HERC1: variants seen among roughly 807,000 people sequenced by gnomAD.
The protein encoded by HERC1 is probable E3 ubiquitin-protein ligase HERC1.
A neutral mutation model predicts 554.3 loss-of-function variants in HERC1; 160 were observed. That is an observed-to-expected ratio of 0.29 (90% CI 0.25 to 0.33). The LOEUF is 0.33. Among genes scored for constraint, HERC1 ranks in the 10% least tolerant of loss-of-function variants. HERC1 has a pLI of 1.00. For synonymous variants in HERC1, 2,175 were observed against 2,131.7 expected, an observed-to-expected ratio of 1.02 and a Z score of -0.56; for missense variants, 4,919 against 5,918.5, an observed-to-expected ratio of 0.83 and a Z score of 5.54.
At chr15:63,709,439 C>T (rs747642423) in intron 24 of HERC1, among the ~76,000 whole-genome samples, 60 of 152,080 alleles carry the variant, frequency 3.9e-4, no homozygotes, top group Admixed American at 2.2e-3. Flanking sequence ...GATCTGTTGT[C>T]CCCATTTATA....
At chr15:63,649,118 G>C (rs1393879489) in intron 54 of HERC1, among the ~76,000 whole-genome samples, 4 of 152,182 alleles carry the variant, frequency 2.6e-5, no homozygotes, top group Non-Finnish European at 4.4e-5. Context: ...ACTTTGGGAG[G>C]CCAAGGTGGG....
At chr15:63,614,515 T>C (rs1187014463) in intron 76 of HERC1, among the ~76,000 whole-genome samples, 1 of 152,322 alleles carries the variant, frequency 6.6e-6, no homozygotes, top group African/African-American at 2.4e-5. Flanking sequence ...CCAACTTCAC[T>C]AGGCTAAAGA....
At chr15:63,759,376 C>A (rs750027406) in intron 3 of HERC1, among the ~76,000 whole-genome samples, 1 of 152,154 alleles carries the variant, frequency 6.6e-6, no homozygotes, top group Non-Finnish European at 1.5e-5. Context: ...AAGTCTGTTG[C>A]CATTCAAAAG....
At position 63,696,140 on chromosome 15, in the gene HERC1, C is replaced by T. The variant is rs757087642; in HGVS notation, c.5105G>A (p.Arg1702Gln). ...GTCACCTACCTGATAGTGATGCAATCGGCCACTCTCTCCCTTGCCTCCTGT... is the reference window on the plus strand; with the variant it reads ...GTCACCTACCTGATAGTGATGCAATTGGCCACTCTCTCCCTTGCCTCCTGT... ...GHTGGKGESG[R>Q]LHHYQDGIRA... The change falls in exon 27 of 78, where the codon CGA becomes CAA. Residue 1702 changes from arginine (R) to glutamine (Q), a missense_variant. Transcript: ENST00000443617. The T allele has an allele frequency of 3.1e-6, 5 of 1,611,860 alleles. No individual in the cohort carries two copies. Among genetic ancestry groups the T allele is most frequent in the South Asian group, 1.1e-5 (1 of 90,750 alleles).
intron 2 of HERC1, among the ~76,000 whole-genome samples, chr15:63,765,330 C>A (rs2075740162): frequency 6.6e-6 from 1 of 152,020 alleles, no homozygotes; most frequent in South Asian, 2.1e-4. Flanking sequence ...AGGCACAGAT[C>A]TGTGTAAACC....
intron 76 of HERC1, among the ~76,000 whole-genome samples, chr15:63,614,655 C>T (rs1286673282): frequency 1.3e-5 from 2 of 152,092 alleles, no homozygotes; most frequent in African/African-American, 4.8e-5. Context: ...TGAGAAGACC[C>T]CAACATATTC....
chr15:63,739,238 C>T (rs2074687846), intron 12 of HERC1, among the ~76,000 whole-genome samples: 1 of 126,124 alleles, frequency 7.9e-6, no homozygotes, highest in Non-Finnish European at 1.6e-5. Context: ...CGTTCTGTTG[C>T]CCAGGCTGGA....
rs1364805595 is a variant in HERC1, at chr15:63,694,062, A to G, written c.5576T>C (p.Leu1859Pro). The change falls in exon 30 of 78, where the codon CTA (leucine) becomes CCA (proline). Residue 1859 changes from leucine (L) to proline (P), a missense_variant. Coordinates refer to ENST00000443617, the MANE Select transcript of HERC1 (RefSeq NM_003922.4). This position sits in a 1 kb window ranked among gnomAD's most constrained non-coding sequence, Gnocchi z 4.3. Reference sequence around the variant, plus strand: ...CCCTTCTCCGAAAGAGGCCATATGTAGTACACCAGTTTGGGACAATAAATT... The same window carrying G: ...CCCTTCTCCGAAAGAGGCCATATGTGGTACACCAGTTTGGGACAATAAATT... ...LKNLLSQTGV[L>P]HMASFGEGEQ... 3 of 1,608,340 alleles carry G rather than the reference A, an allele frequency of 1.9e-6. No individual in the cohort carries two copies. Among genetic ancestry groups the G allele is most frequent in the South Asian group, 2.2e-5 (2 of 89,768 alleles).
intron 1 of HERC1, among the ~76,000 whole-genome samples, chr15:63,818,641 T>G (rs1004173316): frequency 1.3e-5 from 2 of 152,260 alleles, no homozygotes; most frequent in Admixed American, 1.3e-4. Flanking sequence ...TGGCGTAGCT[T>G]TGAGAGTTTT....
chr15:63,668,469 C>T (rs1274042334), intron 40 of HERC1, among the ~76,000 whole-genome samples: 1 of 152,130 alleles, frequency 6.6e-6, no homozygotes, highest in Non-Finnish European at 1.5e-5. Flanking sequence ...GGTGACAGAG[C>T]AAGAGGCTGT....
At chr15:63,647,785 G>C (rs2069435324) in intron 55 of HERC1, among the ~76,000 whole-genome samples, 1 of 152,096 alleles carries the variant, frequency 6.6e-6, no homozygotes, top group Non-Finnish European at 1.5e-5. Context: ...ACTTTTAAGT[G>C]GTTATTATTA....
At chr15:63,708,950 A>G (rs2073152331) in intron 24 of HERC1, among the ~76,000 whole-genome samples, 1 of 152,094 alleles carries the variant, frequency 6.6e-6, no homozygotes, top group Non-Finnish European at 1.5e-5. Flanking sequence ...TTTTGACACT[A>G]TCTTTGTAAT....
Position 63,775,546 on chromosome 15 carries a change from T to G in HERC1, c.78A>C (p.Glu26Asp), listed in dbSNP as rs377546517. ...CAACTCCCTCTCTTGTAGCAATAGA[T>G]TCACTGTCCTCTGTAATCCAGGAGC... ...LNSSWITEDS[E>D]SIATREGVAV... Residue 26 changes from glutamate to aspartate, a missense_variant, in exon 2 of 78, where the codon GAA becomes GAC. Transcript: ENST00000443617. This position sits in a 1 kb window ranked among gnomAD's most constrained non-coding sequence, Gnocchi z 4.0. The G allele has an allele frequency of 6.2e-7, 1 of 1,613,804 alleles. No individual in the cohort carries two copies. Among genetic ancestry groups the G allele is most frequent in the Non-Finnish European group, 8.5e-7 (1 of 1,179,804 alleles).
intron 45 of HERC1, 71 bp downstream of exon 45, chr15:63,661,682 T>G: frequency 1.3e-6 from 2 of 1,495,046 alleles, no homozygotes; most frequent in Non-Finnish European, 1.8e-6. Flanking sequence ...ACGTGAAAAA[T>G]CTACAGTTCC....
intron 67 of HERC1, 40 bp downstream of exon 67, chr15:63,633,807 AT>A (rs1459035088): frequency 1.3e-6 from 2 of 1,594,848 alleles, no homozygotes; most frequent in South Asian, 2.3e-5. Context: ...GATGAAAACT[AT>A]TTATGTTGTC....
At chr15:63,648,305 G>A in intron 54 of HERC1, 106 bp from the exon 55 acceptor site, 1 of 1,158,982 alleles carries the variant, frequency 8.6e-7, no homozygotes, top group Non-Finnish European at 1.2e-6. Flanking sequence ...ACCATTGCAA[G>A]TAAATTTCCA....
At chr15:63,814,166 T>C (rs2077419444) in intron 1 of HERC1, among the ~76,000 whole-genome samples, 1 of 152,210 alleles carries the variant, frequency 6.6e-6, no homozygotes, top group Admixed American at 6.5e-5. Flanking sequence ...AATAGACCTA[T>C]TAAAAATCTG....
chr15:63,719,490 T>C (rs2073715582), intron 19 of HERC1, among the ~76,000 whole-genome samples: 1 of 152,210 alleles, frequency 6.6e-6, no homozygotes, highest in South Asian at 2.1e-4. Context: ...CAGGTTTTAC[T>C]CGGGGAAAAA....
intron 58 of HERC1, 84 bp downstream of exon 58, chr15:63,643,320 T>C (rs1009653575): frequency 8.2e-6 from 10 of 1,213,988 alleles, no homozygotes; most frequent in Non-Finnish European, 1.0e-5. Flanking sequence ...ATAAAATGTT[T>C]CTACAATTGG....
Sources: allele counts gnomAD v4.1 joint callset (sites outside exome capture counted in the v4.1 genomes callset), GRCh38; gene constraint gnomAD v4.1.1; non-coding constraint Gnocchi (gnomAD v3.1); transcripts MANE v1.5; gene names NCBI Gene and HGNC (gene_info 2026-07-23, HGNC 2026-07-21).